The following PTPN13 variants were observed in gnomAD, a reference collection of about 807,000 sequenced individuals.
The protein encoded by PTPN13 is protein tyrosine phosphatase non-receptor type 13.
Under a neutral mutation model 284.0 loss-of-function variants are expected in PTPN13, and 191 were observed. That is an observed-to-expected ratio of 0.67 (90% CI 0.60 to 0.76). The LOEUF (loss-of-function observed/expected upper bound fraction) is 0.76. Ranked by LOEUF, PTPN13 falls within the 30% of genes least tolerant of loss-of-function variation. The pLI, the probability that PTPN13 is intolerant of heterozygous loss-of-function variation, is 0.00. For missense variants in PTPN13, 2,797 were observed against 2,939.9 expected, an observed-to-expected ratio of 0.95 and a Z score of 1.12; for synonymous variants, 986 against 1,022.3, an observed-to-expected ratio of 0.96 and a Z score of 0.68.
Position 86,791,237 on chromosome 4 carries a change from A to C in PTPN13, c.6345+5301A>C, listed in dbSNP as rs536907650. ...GTCCCAAGCCCACGGAGCCTTGCTC[A>C]CTGCCAGCGCAGCAGTCTGAGATCA... On this transcript the variant is annotated intron_variant, in intron 40 of 47. Transcript: ENST00000411767. Among the ~76,000 whole-genome samples the C allele has an allele frequency of 3.3e-5, 5 of 152,320 alleles. No homozygotes were observed. The East Asian group carries it at 9.6e-4, about 29-fold the overall frequency.
intron 2 of PTPN13, among the ~76,000 whole-genome samples, chr4:86,667,405 G>T (rs1727204083): frequency 6.7e-6 from 1 of 149,396 alleles, no homozygotes; most frequent in African/African-American, 2.5e-5. Flanking sequence ...AGAGAAACAA[G>T]TTTTTTTTTT....
rs1170677563 is a variant in PTPN13 at position 86,790,546 on chromosome 4, C to T, written c.6345+4610C>T. On this transcript the variant is annotated intron_variant, in intron 40 of 47. Coordinates refer to ENST00000411767, the MANE Select transcript of PTPN13 (RefSeq NM_080683.3). ...TTGTTGTTTTTAAGTGCCACACACA[C>T]ACACACACAAAAAGAATAACCAAGG... Among the ~76,000 whole-genome samples the T allele has an allele frequency of 4.6e-5, 7 of 152,296 alleles. No individual in the cohort carries two copies. In the South Asian group the frequency reaches 1.2e-3, roughly 27 times the overall value.
chr4:86,804,289 T>G (rs1435727419), intron 43 of PTPN13, among the ~76,000 whole-genome samples: 1 of 152,154 alleles, frequency 6.6e-6, no homozygotes, highest in Non-Finnish European at 1.5e-5. Flanking sequence ...GCTCCTGTGG[T>G]CTCATGGTAC....
At position 86,767,848 on chromosome 4, in the gene PTPN13, C is replaced by T. The variant is rs373011895; in HGVS notation, c.4361C>T (p.Ser1454Phe). ...VVHLLLEKGQ[S>F]PTSKEHVPVT... ...CATCTGTTATTAGAAAAGGGACAAT[C>T]TCCAACATCTAAAGAACATGTCCCG... is the stretch of plus-strand genomic sequence containing the variant. Residue 1454 changes from serine to phenylalanine, a missense_variant, in exon 28 of 48, where the codon TCT becomes TTT. Physicochemically the swap from Ser to Phe is radical, Grantham distance 155 (BLOSUM62 -2). Coordinates refer to ENST00000411767, the MANE Select transcript of PTPN13 (RefSeq NM_080683.3). 6.7e-5 allele frequency: 107 copies of T among 1,596,572 alleles called. No individual in the cohort carries two copies. Among genetic ancestry groups the T allele is most frequent in the Non-Finnish European group, 8.5e-5 (100 of 1,170,260 alleles).
intron 7 of PTPN13, among the ~76,000 whole-genome samples, chr4:86,703,436 T>TG (rs1039118771): frequency 6.7e-6 from 1 of 148,844 alleles, no homozygotes; most frequent in Admixed American, 6.7e-5. Flanking sequence ...TTGTCCATTG[T>TG]GAAAAAAAAA....
chr4:86,757,108 A>G (rs1738073388), intron 20 of PTPN13, among the ~76,000 whole-genome samples: 1 of 152,206 alleles, frequency 6.6e-6, no homozygotes, highest in East Asian at 1.9e-4. Context: ...TGCGAAGTAG[A>G]TGAATTAACT....
chr4:86,668,559 T>G (rs948865509), intron 2 of PTPN13, among the ~76,000 whole-genome samples: 1 of 152,092 alleles, frequency 6.6e-6, no homozygotes, highest in Non-Finnish European at 1.5e-5. Context: ...AAAATCACAT[T>G]TGAAAATATT....
At chr4:86,772,187 A>G (rs1740071654) in intron 31 of PTPN13, among the ~76,000 whole-genome samples, 1 of 152,220 alleles carries the variant, frequency 6.6e-6, no homozygotes, top group Non-Finnish European at 1.5e-5. Context: ...TCAGCTTTGA[A>G]TTAACAACTA....
Position 86,703,145 on chromosome 4 carries a change from C to T in PTPN13, c.1195+1344C>T, listed in dbSNP as rs183379737. The stretch of plus-strand genomic sequence containing the variant: ...TTGAATAGTTAATTGATATGGGTTC[C>T]GATATAACATGAATTTTTCAAAAAC... On this transcript the variant is annotated intron_variant, in intron 7 of 47. Transcript: ENST00000411767. Among the ~76,000 whole-genome samples, 11 of 151,752 alleles carry T rather than the reference C, an allele frequency of 7.2e-5. No individual in the cohort carries two copies. The East Asian group carries it at 1.4e-3, about 19-fold the overall frequency.
At chr4:86,721,641 G>C (rs1447648054) in intron 9 of PTPN13, among the ~76,000 whole-genome samples, 2 of 151,786 alleles carry the variant, frequency 1.3e-5, no homozygotes, top group Non-Finnish European at 2.9e-5. Context: ...TCTTTGTCAG[G>C]AACTGGGGAC....
intron 2 of PTPN13, among the ~76,000 whole-genome samples, chr4:86,643,820 C>A (rs1357270199): frequency 6.6e-6 from 1 of 152,110 alleles, no homozygotes; most frequent in Non-Finnish European, 1.5e-5. Flanking sequence ...AATAATGTAA[C>A]TATTTTAAAG....
intron 25 of PTPN13, among the ~76,000 whole-genome samples, chr4:86,765,022 G>C (rs1739135430): frequency 6.6e-6 from 1 of 152,138 alleles, no homozygotes. Flanking sequence ...ATATTTGACA[G>C]TTTCTACGTG....
At chr4:86,810,966 A>G in intron 46 of PTPN13, 80 bp from the exon 47 acceptor site, 2 of 1,364,790 alleles carry the variant, frequency 1.5e-6, no homozygotes, top group Non-Finnish European at 2.0e-6. Context: ...AATTTTACAT[A>G]AGCCTCCCCT....
intron 2 of PTPN13, among the ~76,000 whole-genome samples, chr4:86,653,396 C>T (rs1049747225): frequency 5.9e-5 from 9 of 152,090 alleles, no homozygotes; most frequent in Admixed American, 1.3e-4. Flanking sequence ...ACAAGGCTTT[C>T]CATGAATTCA....
chr4:86,764,500 G>A, intron 24 of PTPN13, 93 bp from the exon 25 acceptor site: 1 of 965,406 alleles, frequency 1.0e-6, no homozygotes, highest in East Asian at 3.0e-5. Flanking sequence ...GCTTTGTCCT[G>A]GGCTAGGTTT....
intron 26 of PTPN13, among the ~76,000 whole-genome samples, chr4:86,766,018 G>A (rs558021169): frequency 6.6e-6 from 1 of 152,162 alleles, no homozygotes; most frequent in Admixed American, 6.5e-5. Flanking sequence ...AGTAGAGACA[G>A]GTTTTCACCA....
intron 1 of PTPN13, among the ~76,000 whole-genome samples, chr4:86,622,029 A>G (rs1205012640): frequency 6.6e-6 from 1 of 152,186 alleles, no homozygotes; most frequent in African/African-American, 2.4e-5. Flanking sequence ...AGAACCTTAA[A>G]TAAACATTAT....
chr4:86,758,229 T>C, intron 20 of PTPN13, 31 bp from the exon 21 acceptor site: 2 of 1,456,540 alleles, frequency 1.4e-6, no homozygotes, highest in Non-Finnish European at 1.9e-6. Context: ...GAGCATGTTA[T>C]ATTTATTTTT....
intron 47 of PTPN13, among the ~76,000 whole-genome samples, chr4:86,813,803 T>C (rs1745489973): frequency 6.6e-6 from 1 of 152,008 alleles, no homozygotes; most frequent in Non-Finnish European, 1.5e-5. Context: ...CCAGAAGAAA[T>C]TATGTAGGAA....
Sources: gnomAD v4.1 joint callset for allele counts (sites outside exome capture counted in the v4.1 genomes callset) on GRCh38, gnomAD v4.1.1 for gene constraint, MANE v1.5 for transcripts, NCBI Gene and HGNC (gene_info 2026-07-23, HGNC 2026-07-21) for gene names.